USP36: variants seen among roughly 807,000 people sequenced by gnomAD.
The protein encoded by USP36 is ubiquitin carboxyl-terminal hydrolase 36.
USP36 carries 59 observed loss-of-function variants against 111.5 expected under a neutral mutation model. That is an observed-to-expected ratio of 0.53 (90% CI 0.43 to 0.66). The LOEUF (loss-of-function observed/expected upper bound fraction) is 0.66. USP36 is among the 30% of genes least tolerant of loss of function. USP36 has a pLI of 0.00. For missense variants in USP36, 1,488 were observed against 1,468.0 expected, an observed-to-expected ratio of 1.01 and a Z score of -0.22; for synonymous variants, 628 against 581.0, an observed-to-expected ratio of 1.08 and a Z score of -1.16.
At chr17:78,821,093 G>A (rs1198599105) in intron 7 of USP36, 32 bp from the exon 8 acceptor site, 4 of 1,572,626 alleles carry the variant, frequency 2.5e-6, no homozygotes, top group Non-Finnish European at 3.5e-6. Context: ...GGAGCAGGTG[G>A]GGCCTGGCAG....
intron 5 of USP36, among the ~76,000 whole-genome samples, chr17:78,827,704 G>A (rs1599081513): frequency 6.6e-6 from 1 of 151,998 alleles, no homozygotes; most frequent in Non-Finnish European, 1.5e-5. Context: ...GGAGTTCGAG[G>A]GCAGCCTGGG....
Position 78,799,754 on chromosome 17 carries a change from G to A in USP36, c.3037C>T (p.Pro1013Ser). 1 of 1,607,046 alleles carries A rather than the reference G, an allele frequency of 6.2e-7. No homozygotes were observed. The stretch of plus-strand genomic sequence containing the variant: ...CGCTCTCCATTCCAAGACACAGGAG[G>A]GGCCTGGCTCAGCCCTGCAATCGGA... ...PGDRMGLSQA[P>S]PVSWNGERES... The change falls in exon 18 of 21, where the codon CCT becomes TCT. Residue 1013 changes from proline to serine, a missense_variant. This residue lies in a region of USP36 where 1,073 missense variants were observed against 994.1 expected (regional missense o/e 1.08). Transcript: ENST00000449938.
chr17:78,815,890 ACAC>A (rs1279564937), intron 10 of USP36, among the ~76,000 whole-genome samples: 1 of 152,154 alleles, frequency 6.6e-6, no homozygotes, highest in Non-Finnish European at 1.5e-5. Context: ...TACATGCACA[ACAC>A]ATACATGCAC....
intron 7 of USP36, among the ~76,000 whole-genome samples, chr17:78,821,612 G>A (rs566114009): frequency 1.3e-5 from 2 of 151,452 alleles, no homozygotes; most frequent in Non-Finnish European, 2.9e-5. Flanking sequence ...ATTTTTAGTG[G>A]AGACGGGGTT....
intron 4 of USP36, among the ~76,000 whole-genome samples, chr17:78,831,352 C>T (rs912697605): frequency 1.1e-4 from 16 of 151,612 alleles, no homozygotes; most frequent in African/African-American, 3.6e-4. Flanking sequence ...GGGGCCCACA[C>T]CTGTAATTTC....
chr17:78,814,927 G>A (rs1404310778), intron 10 of USP36, among the ~76,000 whole-genome samples: 1 of 152,020 alleles, frequency 6.6e-6, no homozygotes, highest in Non-Finnish European at 1.5e-5. Context: ...CTCAGCCTGG[G>A]CGACAGAGCG....
chr17:78,795,009 GAAAAAA>G (rs78492260), downstream of USP36, among the ~76,000 whole-genome samples: 1 of 115,506 alleles, frequency 8.7e-6, no homozygotes. This position sits in a 1 kb window ranked among gnomAD's most constrained non-coding sequence, Gnocchi z 4.5. Flanking sequence ...CTCTGTTCGG[GAAAAAA>G]AAAAAAAAAA....
intron 7 of USP36, chr17:78,821,278 CCCT>C (rs1028883652): frequency 6.2e-6 from 3 of 487,276 alleles, no homozygotes; most frequent in African/African-American, 2.0e-5. Context: ...ACTCACAGGG[CCCT>C]CCCTGCCTGG....
In USP36 at chr17:78,798,549, T is replaced by G; in HGVS notation, c.3243A>C (p.Glu1081Asp). 1 of 1,613,300 alleles carries G rather than the reference T, an allele frequency of 6.2e-7. No individual in the cohort carries two copies. The highest frequency in any genetic ancestry group is 8.5e-7 in the Non-Finnish European group (1 of 1,180,006). ...DWDEEFDRGKEKKIKKFKREK... is the reference protein window; with the variant it reads ...DWDEEFDRGKDKKIKKFKREK... ...CTCTCTTAAATTTTTTAATTTTCTT[T>G]TCCTAGACCAAGAATCACAGGCATC... The change falls in exon 20 of 21, where the codon GAA becomes GAC. Residue 1081 changes from glutamate to aspartate, a missense_variant and splice_region_variant. Glu to Asp is a conservative substitution (Grantham distance 45). This residue lies in a region of USP36 where 1,073 missense variants were observed against 994.1 expected (regional missense o/e 1.08). Transcript: ENST00000449938. This position sits in a 1 kb window ranked among gnomAD's most constrained non-coding sequence, Gnocchi z 5.1.
chr17:78,804,601 T>A (rs1437800379), intron 15 of USP36, among the ~76,000 whole-genome samples: 3 of 103,680 alleles, frequency 2.9e-5, no homozygotes, highest in African/African-American at 1.2e-4. Context: ...ACCCTGGAAC[T>A]TAAAATAACT....
In USP36 at chr17:78,806,038, G is replaced by T. The variant is rs2093890371; in HGVS notation, c.2216+118C>A. ...TGACGCCCCCCTGTACCTCCTGGCT[G>T]CCCCAATGCTTTGTCTGTCCTGTGA... On this transcript the variant is annotated intron_variant, in intron 15 of 20. Coordinates refer to ENST00000449938, the MANE Select transcript of USP36 (RefSeq NM_001385174.1). The T allele has an allele frequency of 2.6e-6, 4 of 1,541,470 alleles. No homozygotes were observed. In the Admixed American group the frequency reaches 8.2e-5, roughly 32 times the overall value.
At position 78,807,450 on chromosome 17, in the gene USP36, G is replaced by A; in HGVS notation, c.1594C>T (p.Pro532Ser). 1.2e-6 allele frequency: 2 copies of A among 1,614,104 alleles called. No homozygotes were observed. Among genetic ancestry groups the A allele is most frequent in the South Asian group, 1.1e-5 (1 of 91,076 alleles). The change falls in exon 14 of 21, where the codon CCT becomes TCT. Residue 532 changes from proline (P) to serine (S), a missense_variant. By Grantham distance (74) the Pro-to-Ser change is moderately conservative. This residue lies in a region of USP36 where 1,073 missense variants were observed against 994.1 expected (regional missense o/e 1.08). Coordinates refer to ENST00000449938, the MANE Select transcript of USP36 (RefSeq NM_001385174.1). ...PTHMPTILDDPGKKVKKPAPP... is the reference protein window; with the variant it reads ...PTHMPTILDDSGKKVKKPAPP... ...GCTGGCTTCTTCACCTTCTTTCCAGGGTCGTCTAGGATGGTTGGCATGTGT... is the reference window on the plus strand; with the variant it reads ...GCTGGCTTCTTCACCTTCTTTCCAGAGTCGTCTAGGATGGTTGGCATGTGT...
chr17:78,841,124 G>A (rs571712477), upstream of USP36: 1 of 152,256 alleles, frequency 6.6e-6, no homozygotes, highest in Non-Finnish European at 1.5e-5. Context: ...GAGCACACCT[G>A]GCGGCGTGGC....
chr17:78,815,925 TAC>T (rs559826409), intron 10 of USP36, among the ~76,000 whole-genome samples: 298 of 151,852 alleles, frequency 2.0e-3, no homozygotes, highest in African/African-American at 6.1e-3. Context: ...TACGCACACA[TAC>T]ACACACATAT....
chr17:78,834,119 C>T (rs568886355), intron 4 of USP36, among the ~76,000 whole-genome samples: 17 of 151,898 alleles, frequency 1.1e-4, no homozygotes, highest in African/African-American at 2.4e-4. Flanking sequence ...TGGTGGCGTG[C>T]GTCTATAGTC....
At chr17:78,791,622 T>C (rs1217962922), downstream of USP36, among the ~76,000 whole-genome samples, 1 of 152,094 alleles carries the variant, frequency 6.6e-6, no homozygotes, top group Admixed American at 6.5e-5. Context: ...ATGCCTGGAG[T>C]GCTTTCTGAG....
intron 13 of USP36, among the ~76,000 whole-genome samples, chr17:78,808,242 ACT>A (rs1217985180): frequency 1.8e-5 from 2 of 112,790 alleles, no homozygotes; most frequent in African/African-American, 5.2e-5. Context: ...ATGGGCGATA[ACT>A]CTCAATAAAT....
chr17:78,835,188 G>T, intron 4 of USP36, 92 bp downstream of exon 4: 1 of 1,329,990 alleles, frequency 7.5e-7, no homozygotes, highest in Non-Finnish European at 1.0e-6. Context: ...TCCTAAATTT[G>T]ACCCAGACTG....
At chr17:78,818,556 A>G in intron 10 of USP36, 111 bp downstream of exon 10, 1 of 892,958 alleles carries the variant, frequency 1.1e-6, no homozygotes, top group Non-Finnish European at 1.8e-6. Flanking sequence ...GAACAGGGAC[A>G]GGTACTGTGT....
Sources: allele counts gnomAD v4.1 joint callset (sites outside exome capture counted in the v4.1 genomes callset), GRCh38; gene constraint gnomAD v4.1.1; regional missense constraint gnomAD v4.1.1; non-coding constraint Gnocchi (gnomAD v3.1); transcripts MANE v1.5; gene names NCBI Gene and HGNC (gene_info 2026-07-23, HGNC 2026-07-21).